Variants in CWC27 observed in about 807,000 individuals in gnomAD.
CWC27 encodes CWC27 spliceosome associated cyclophilin.
A neutral mutation model predicts 63.6 loss-of-function variants in CWC27; 47 were observed. The observed-to-expected ratio is 0.74, with a 90% CI of 0.58 to 0.94. The LOEUF (loss-of-function observed/expected upper bound fraction) is 0.94. Ranked by LOEUF, CWC27 falls within the 40% of genes least tolerant of loss-of-function variation. The pLI, the probability that CWC27 is intolerant of heterozygous loss-of-function variation, is 0.00. For missense variants in CWC27, 495 were observed against 554.3 expected (o/e 0.89, Z 1.07); for synonymous variants, 175 against 179.8 (o/e 0.97, Z 0.22).
chr5:64,974,393 G>C (rs1299942285), intron 12 of CWC27, among the ~76,000 whole-genome samples: 1 of 152,180 alleles, frequency 6.6e-6, no homozygotes, highest in Non-Finnish European at 1.5e-5. Context: ...TCATGGCAGA[G>C]GGTGAAAGGC....
intron 11 of CWC27, among the ~76,000 whole-genome samples, chr5:64,895,724 A>T (rs1385170508): frequency 6.6e-6 from 1 of 152,212 alleles, no homozygotes; most frequent in Non-Finnish European, 1.5e-5. Flanking sequence ...GATAGGCTTG[A>T]AAATATAAAG....
intron 11 of CWC27, among the ~76,000 whole-genome samples, chr5:64,922,934 G>T (rs538665623): frequency 4.6e-5 from 7 of 152,180 alleles, no homozygotes; most frequent in Non-Finnish European, 1.0e-4. Flanking sequence ...ACCCTGGGTG[G>T]CTGGGACTGG....
chr5:64,833,282 G>A (rs941002934), intron 10 of CWC27, among the ~76,000 whole-genome samples: 1 of 151,684 alleles, frequency 6.6e-6, no homozygotes, highest in African/African-American at 2.4e-5. Flanking sequence ...ACAGATAAAT[G>A]ACACATAGTT....
At chr5:64,930,889 G>A (rs1748224661) in intron 11 of CWC27, among the ~76,000 whole-genome samples, 1 of 152,040 alleles carries the variant, frequency 6.6e-6, no homozygotes, top group African/African-American at 2.4e-5. Flanking sequence ...TCATGAGACA[G>A]CATGAGACAA....
At chr5:64,946,423 A>AT (rs1247952869) in intron 11 of CWC27, among the ~76,000 whole-genome samples, 1 of 152,174 alleles carries the variant, frequency 6.6e-6, no homozygotes, top group East Asian at 1.9e-4. Flanking sequence ...GCATTTCTAG[A>AT]TTTTGTGGCA....
At chr5:64,944,919 T>C (rs1748558550) in intron 11 of CWC27, among the ~76,000 whole-genome samples, 1 of 152,322 alleles carries the variant, frequency 6.6e-6, no homozygotes, top group African/African-American at 2.4e-5. Context: ...TATGTTTGTC[T>C]AGTAGACTCT....
intron 11 of CWC27, among the ~76,000 whole-genome samples, chr5:64,938,886 C>T (rs1164277642): frequency 6.6e-6 from 1 of 152,124 alleles, no homozygotes; most frequent in African/African-American, 2.4e-5. Flanking sequence ...CTTTCTTACG[C>T]TTGATCGGTT....
chr5:65,015,089 G>A (rs1217777916), intron 13 of CWC27, among the ~76,000 whole-genome samples: 1 of 152,012 alleles, frequency 6.6e-6, no homozygotes, highest in Non-Finnish European at 1.5e-5. Context: ...TTTCAAATTT[G>A]TAAGGAAATC....
At chr5:64,939,939 G>A (rs1182872096) in intron 11 of CWC27, among the ~76,000 whole-genome samples, 1 of 152,200 alleles carries the variant, frequency 6.6e-6, no homozygotes, top group African/African-American at 2.4e-5. Context: ...GCCTACTCAA[G>A]CCTCAGTAAT....
At chr5:64,914,623 AC>A (rs1747852056) in intron 11 of CWC27, among the ~76,000 whole-genome samples, 1 of 151,826 alleles carries the variant, frequency 6.6e-6, no homozygotes, top group Non-Finnish European at 1.5e-5. Flanking sequence ...AGCAATTGTT[AC>A]TGAGAATGTG....
At chr5:64,814,246 C>T (rs1744966547) in intron 10 of CWC27, among the ~76,000 whole-genome samples, 1 of 152,058 alleles carries the variant, frequency 6.6e-6, no homozygotes, top group Non-Finnish European at 1.5e-5. Flanking sequence ...CGGTTTTGCA[C>T]AGTCATTTAG....
intron 11 of CWC27, among the ~76,000 whole-genome samples, chr5:64,901,965 C>T (rs1747520431): frequency 6.6e-6 from 1 of 152,178 alleles, no homozygotes. Context: ...TCTTGTTCCA[C>T]TGATGGGTCT....
chr5:64,989,537 T>A (rs1347638402), intron 13 of CWC27, among the ~76,000 whole-genome samples: 1 of 152,178 alleles, frequency 6.6e-6, no homozygotes, highest in Non-Finnish European at 1.5e-5. Flanking sequence ...CAGAGAGAAG[T>A]TGAAAAACAG....
intron 7 of CWC27, among the ~76,000 whole-genome samples, chr5:64,797,567 T>C (rs1744319926): frequency 6.6e-6 from 1 of 152,186 alleles, no homozygotes; most frequent in South Asian, 2.1e-4. Flanking sequence ...TATTTTAAAT[T>C]AGTGTAAAAC....
chr5:64,907,223 T>C (rs978686497), intron 11 of CWC27, among the ~76,000 whole-genome samples: 1 of 152,230 alleles, frequency 6.6e-6, no homozygotes, highest in African/African-American at 2.4e-5. Context: ...GGTAGCTTGA[T>C]GGGGATGGCA....
At chr5:64,934,736 G>A (rs1052731711) in intron 11 of CWC27, among the ~76,000 whole-genome samples, 5 of 152,036 alleles carry the variant, frequency 3.3e-5, no homozygotes, top group Admixed American at 1.3e-4. Flanking sequence ...AAAAGCATTC[G>A]TAATTCTCCA....
intron 10 of CWC27, among the ~76,000 whole-genome samples, chr5:64,837,132 A>G (rs1187530510): frequency 1.3e-5 from 2 of 152,124 alleles, no homozygotes; most frequent in African/African-American, 2.4e-5. Flanking sequence ...TTTTCCAGGT[A>G]CAAATGAGAA....
chr5:64,978,922 G>A (rs1411230025), intron 13 of CWC27, among the ~76,000 whole-genome samples: 1 of 152,092 alleles, frequency 6.6e-6, no homozygotes, highest in African/African-American at 2.4e-5. Flanking sequence ...TTTATTTGAA[G>A]CTCATAACCC....
intron 8 of CWC27, 127 bp downstream of exon 8, chr5:64,800,454 G>A (rs1744450402): frequency 1.8e-6 from 1 of 558,808 alleles, no homozygotes; most frequent in Non-Finnish European, 3.1e-6. Context: ...AAAAAATAAA[G>A]CATTTTGATA....
Sources: allele counts gnomAD v4.1 joint callset (sites outside exome capture counted in the v4.1 genomes callset), GRCh38; gene constraint gnomAD v4.1.1; transcripts MANE v1.5; gene names NCBI Gene and HGNC (gene_info 2026-07-23, HGNC 2026-07-21).